The following GLI3 variants were observed in gnomAD, a reference collection of about 807,000 sequenced individuals.
GLI3 encodes transcription activator GLI3.
Under a neutral mutation model 100.8 loss-of-function variants are expected in GLI3, and 20 were observed. That is an observed-to-expected ratio of 0.20 (90% confidence interval 0.14 to 0.29). GLI3 has a LOEUF of 0.29. Ranked by LOEUF, GLI3 falls within the 10% of genes least tolerant of loss-of-function variation. GLI3 has a pLI of 1.00. For synonymous variants in GLI3, 938 were observed against 860.5 expected (o/e 1.09, Z -1.58); for missense variants, 2,040 against 2,128.5 (o/e 0.96, Z 0.82).
chr7:42,209,362 A>G (rs1383780729), intron 2 of GLI3, among the ~76,000 whole-genome samples: 2 of 152,170 alleles, frequency 1.3e-5, no homozygotes, highest in East Asian at 3.9e-4. Context: ...CTGGAATAGT[A>G]TTTGACTCAA....
At chr7:42,222,972 C>T (rs1788514280) in intron 2 of GLI3, 158 bp downstream of exon 2, 1 of 808,606 alleles carries the variant, frequency 1.2e-6, no homozygotes, top group African/African-American at 1.7e-5. Context: ...TACTACATTC[C>T]ATGTCCCCCC....
intron 1 of GLI3, among the ~76,000 whole-genome samples, chr7:42,227,324 GA>G (rs34418852): frequency 1.1e-3 from 153 of 140,782 alleles, no homozygotes; most frequent in African/African-American, 2.7e-3. Flanking sequence ...GCTCGGTGAA[GA>G]AAAAAAAAAA....
intron 10 of GLI3, among the ~76,000 whole-genome samples, chr7:41,999,842 C>A (rs912508161): frequency 2.0e-5 from 3 of 149,596 alleles, no homozygotes; most frequent in Non-Finnish European, 2.9e-5. Flanking sequence ...ATTTTGAGCC[C>A]CAAGGCTCTA....
upstream of GLI3, among the ~76,000 whole-genome samples, chr7:42,239,793 A>G (rs1187479441): frequency 6.6e-6 from 1 of 152,204 alleles, no homozygotes; most frequent in Non-Finnish European, 1.5e-5. Context: ...TTATGTGTCC[A>G]ACTCTGCTTT....
At chr7:41,987,101 G>GACACAAAC (rs1554308382) in intron 10 of GLI3, among the ~76,000 whole-genome samples, 3 of 140,718 alleles carry the variant, frequency 2.1e-5, no homozygotes, top group East Asian at 2.2e-4. Context: ...CACAGACACA[G>GACACAAAC]ACACACACAC....
chr7:41,965,424 C>A lies in GLI3; in HGVS notation c.3649G>T (p.Gly1217Trp), dbSNP rs765262375. 2 of 1,607,908 alleles carry A rather than the reference C, an allele frequency of 1.2e-6. No individual in the cohort carries two copies. Among genetic ancestry groups the A allele is most frequent in the Admixed American group, 3.3e-5 (2 of 59,938 alleles). The change falls in exon 15 of 15, where the codon GGG becomes TGG. Residue 1217 changes from glycine to tryptophan, a missense_variant. By Grantham distance (184) the Gly-to-Trp change is radical (BLOSUM62 -2). Coordinates refer to ENST00000395925, the MANE Select transcript of GLI3 (RefSeq NM_000168.6). ...CCACCGTAGGGGTTGCTGTTCTCCCCGAGGGTCTGATAGCCCCCAGCAGGC... is the reference window on the plus strand; with the variant it reads ...CCACCGTAGGGGTTGCTGTTCTCCCAGAGGGTCTGATAGCCCCCAGCAGGC... ...SGPAGGYQTLGENSNPYGGPE... is the reference protein window; with the variant it reads ...SGPAGGYQTLWENSNPYGGPE...
intron 3 of GLI3, among the ~76,000 whole-genome samples, chr7:42,096,617 G>A (rs1289732965): frequency 6.6e-6 from 1 of 152,192 alleles, no homozygotes; most frequent in Non-Finnish European, 1.5e-5. Context: ...TCCAAGAGCG[G>A]GTGTTCAGGG....
chr7:42,235,955 G>A (rs1006180862), intron 1 of GLI3, among the ~76,000 whole-genome samples: 3 of 152,158 alleles, frequency 2.0e-5, no homozygotes, highest in Non-Finnish European at 1.5e-5. Context: ...TGAGAAGTTG[G>A]GGCAGGATGA....
chr7:41,979,680 A>AT (rs1224753473), intron 10 of GLI3, among the ~76,000 whole-genome samples: 5 of 152,180 alleles, frequency 3.3e-5, no homozygotes, highest in African/African-American at 1.2e-4. Flanking sequence ...TACTGAAGAC[A>AT]TTTGCATCCT....
chr7:42,177,914 A>C (rs1171376321), intron 2 of GLI3, among the ~76,000 whole-genome samples: 1 of 152,214 alleles, frequency 6.6e-6, no homozygotes, highest in African/African-American at 2.4e-5. Context: ...TCACGACTCC[A>C]TGAACATTCA....
chr7:42,209,203 T>A (rs952808241), intron 2 of GLI3, among the ~76,000 whole-genome samples: 26 of 152,252 alleles, frequency 1.7e-4, no homozygotes, highest in African/African-American at 6.0e-4. Context: ...ACAGCCACCA[T>A]GCCCAGCTAA....
intron 2 of GLI3, among the ~76,000 whole-genome samples, chr7:42,165,799 A>G (rs1281429420): frequency 1.3e-4 from 20 of 152,232 alleles, no homozygotes; most frequent in Admixed American, 1.3e-3. Flanking sequence ...TAAATAATTC[A>G]ATCAAAAATG....
intron 7 of GLI3, among the ~76,000 whole-genome samples, chr7:42,030,696 G>GTTTTTTTTTTTTTTTTTT (rs201325272): frequency 3.7e-5 from 5 of 133,470 alleles, no homozygotes; most frequent in African/African-American, 1.1e-4. Context: ...TTGTTGATTT[G>GTTTTTTTTTTTTTTTTTT]TTTTTTTTTT....
At chr7:42,229,612 T>C (rs1583664094) in intron 1 of GLI3, among the ~76,000 whole-genome samples, 1 of 152,242 alleles carries the variant, frequency 6.6e-6, no homozygotes, top group East Asian at 1.9e-4. Context: ...CACTGAAGAG[T>C]GACATTGCTC....
intron 2 of GLI3, among the ~76,000 whole-genome samples, chr7:42,215,131 G>A (rs908223024): frequency 5.9e-5 from 9 of 152,036 alleles, no homozygotes; most frequent in Middle Eastern, 3.4e-3. Flanking sequence ...CACCATATGC[G>A]TTACTGAGCT....
upstream of GLI3, among the ~76,000 whole-genome samples, chr7:42,242,610 C>A (rs56002998): frequency 0.02 from 2,979 of 152,236 alleles, 115 homozygotes; most frequent in African/African-American, 0.068. Flanking sequence ...TTAGGCAGAG[C>A]AATTCATATC....
In GLI3 at chr7:41,961,222, A is replaced by T. The variant is rs1787003763; in HGVS notation, c.*3108T>A. 1 of 152,634 alleles carries T rather than the reference A, an allele frequency of 6.6e-6. No individual in the cohort carries two copies. The highest frequency in any genetic ancestry group is 1.5e-5 in the Non-Finnish European group (1 of 68,042). The allele number at this position is 152,634 out of a possible 1,614,324, so 9.5% of individuals were successfully genotyped here. On this transcript the variant is annotated 3_prime_UTR_variant, in exon 15 of 15. Coordinates refer to ENST00000395925, the MANE Select transcript of GLI3 (RefSeq NM_000168.6). ...CACATTTTATTTTTTAAAAAAATCT[A>T]AAAAAGGTGAAAAAAATGAACTTGT...
At chr7:42,118,799 GT>G (rs1252707417) in intron 3 of GLI3, among the ~76,000 whole-genome samples, 2 of 152,314 alleles carry the variant, frequency 1.3e-5, no homozygotes, top group African/African-American at 4.8e-5. Flanking sequence ...ATGACAGGCT[GT>G]CACCACTGTT....
At chr7:42,000,758 G>A (rs1265604901) in intron 10 of GLI3, among the ~76,000 whole-genome samples, 1 of 152,170 alleles carries the variant, frequency 6.6e-6, no homozygotes, top group Non-Finnish European at 1.5e-5. Context: ...AGGCAGCAAG[G>A]AGCTGATTGA....
Sources: allele counts gnomAD v4.1 joint callset (sites outside exome capture counted in the v4.1 genomes callset), GRCh38; gene constraint gnomAD v4.1.1; transcripts MANE v1.5; gene names NCBI Gene and HGNC (gene_info 2026-07-23, HGNC 2026-07-21).